The following PRKG1 variants were observed in gnomAD, a reference collection of about 807,000 sequenced individuals.
PRKG1 encodes the protein cGMP-dependent protein kinase 1.
PRKG1 carries 35 observed loss-of-function variants against 88.1 expected under a neutral mutation model. The ratio of observed to expected loss-of-function variants is 0.40; its 90% CI spans 0.30 to 0.53. The LOEUF (loss-of-function observed/expected upper bound fraction) is 0.53, where lower values mean the gene tolerates loss of function less well. PRKG1 is among the 20% of genes least tolerant of loss of function. PRKG1 has a pLI of 0.59. For missense variants in PRKG1, 540 were observed against 839.8 expected, an observed-to-expected ratio of 0.64 and a Z score of 4.41; for synonymous variants, 303 against 292.5, an observed-to-expected ratio of 1.04 and a Z score of -0.37.
chr10:51,878,442 G>T (rs1295245058), intron 4 of PRKG1, among the ~76,000 whole-genome samples: 1 of 152,076 alleles, frequency 6.6e-6, no homozygotes, highest in Non-Finnish European at 1.5e-5. Context: ...CTAGAAAGTG[G>T]ATGTAAAAAT....
At chr10:52,089,966 C>T (rs1235267003) in intron 7 of PRKG1, among the ~76,000 whole-genome samples, 1 of 151,868 alleles carries the variant, frequency 6.6e-6, no homozygotes, top group Non-Finnish European at 1.5e-5. Flanking sequence ...AGGCATGTGC[C>T]ACCATGCCTA....
At chr10:51,315,842 A>C (rs1841304239) in intron 2 of PRKG1, among the ~76,000 whole-genome samples, 1 of 152,204 alleles carries the variant, frequency 6.6e-6, no homozygotes, top group Non-Finnish European at 1.5e-5. Flanking sequence ...AAGTGATAAA[A>C]TTATGTGTAG....
intron 3 of PRKG1, among the ~76,000 whole-genome samples, chr10:51,615,473 T>G (rs1288810286): frequency 6.6e-6 from 1 of 152,150 alleles, no homozygotes; most frequent in Non-Finnish European, 1.5e-5. Context: ...ATAACTCAAA[T>G]ATTTTGTCAC....
chr10:51,079,679 T>TTG (rs56746938), intron 1 of PRKG1, among the ~76,000 whole-genome samples: 4,460 of 149,796 alleles, frequency 0.03, 174 homozygotes, highest in African/African-American at 0.092. Context: ...TAAGGCTCAT[T>TTG]TGTGTGTGTG....
Position 52,055,525 on chromosome 10 carries a change from A to G in PRKG1, c.840+964A>G, listed in dbSNP as rs139164832. ...AAAACTAAGAAATTGAGTGAATTGG[A>G]AAATAGAATTTCTTTTAGATTAATG... On this transcript the variant is annotated intron_variant, in intron 6 of 17. Transcript: ENST00000373980. Among the ~76,000 whole-genome samples the G allele has an allele frequency of 2.6e-3, 389 of 152,326 alleles. 2 individuals are homozygous for G. Among genetic ancestry groups the G allele is most frequent in the African/African-American group, 8.9e-3 (370 of 41,586 alleles).
intron 5 of PRKG1, among the ~76,000 whole-genome samples, chr10:52,020,595 G>A (rs1845158186): frequency 6.6e-6 from 1 of 152,206 alleles, no homozygotes; most frequent in African/African-American, 2.4e-5. Context: ...AAGGTCAAGA[G>A]TGGTGTTTAA....
chr10:51,633,962 C>T (rs1839591794), intron 3 of PRKG1, among the ~76,000 whole-genome samples: 1 of 152,052 alleles, frequency 6.6e-6, no homozygotes, highest in South Asian at 2.1e-4. Flanking sequence ...TCTGGAACCC[C>T]CTCTTTTGAG....
intron 8 of PRKG1, among the ~76,000 whole-genome samples, chr10:52,140,986 C>T (rs1837565760): frequency 6.6e-6 from 1 of 152,088 alleles, no homozygotes; most frequent in South Asian, 2.1e-4. Context: ...TTCCTACAGC[C>T]TAAGTGGATT....
chr10:51,167,459 C>T (rs536590314), intron 2 of PRKG1, among the ~76,000 whole-genome samples: 4 of 152,136 alleles, frequency 2.6e-5, no homozygotes, highest in East Asian at 3.9e-4. Flanking sequence ...TAAGAGATTT[C>T]GAGAGCATTA....
intron 2 of PRKG1, among the ~76,000 whole-genome samples, chr10:51,209,710 G>A (rs998389698): frequency 3.3e-5 from 5 of 152,062 alleles, no homozygotes; most frequent in Non-Finnish European, 5.9e-5. Context: ...CATTAATAAG[G>A]CATGAAAGCA....
chr10:51,552,241 A>G (rs1440150085), intron 3 of PRKG1, among the ~76,000 whole-genome samples: 1 of 151,666 alleles, frequency 6.6e-6, no homozygotes, highest in Non-Finnish European at 1.5e-5. Flanking sequence ...TGTTTTCTTA[A>G]ATTTCCCTCA....
intron 2 of PRKG1, among the ~76,000 whole-genome samples, chr10:51,385,358 CTAAA>C (rs1837223051): frequency 6.6e-6 from 1 of 152,144 alleles, no homozygotes; most frequent in Non-Finnish European, 1.5e-5. Context: ...CCTGAGATCT[CTAAA>C]TAATGGTTGA....
Position 52,282,430 on chromosome 10 carries a change from A to T in PRKG1, c.1709+114A>T, listed in dbSNP as rs1479915494. The T allele has an allele frequency of 3.7e-6, 4 of 1,074,654 alleles. No homozygotes were observed. The African/African-American group carries it at 4.8e-5, about 13-fold the overall frequency. 66.6% of individuals were successfully genotyped at this position (1,074,654 alleles called of 1,614,324 possible). On this transcript the variant is annotated intron_variant, in intron 14 of 17. Transcript: ENST00000373980. The stretch of plus-strand genomic sequence containing the variant: ...AAAGTACTTTTCACCATATCTTGGT[A>T]CCACAGTTTAATTAGTTATACAGAT...
intron 3 of PRKG1, among the ~76,000 whole-genome samples, chr10:51,494,008 A>C (rs138399184): frequency 6.6e-6 from 1 of 152,234 alleles, no homozygotes; most frequent in Non-Finnish European, 1.5e-5. Context: ...TATTTTTTCT[A>C]CTTAAAATTG....
intron 9 of PRKG1, among the ~76,000 whole-genome samples, chr10:52,228,134 A>C (rs893601148): frequency 6.6e-6 from 1 of 152,148 alleles, no homozygotes; most frequent in Non-Finnish European, 1.5e-5. Flanking sequence ...AAGTCAGAAC[A>C]CTGGTGATGT....
At chr10:51,352,491 T>C (rs1203859285) in intron 2 of PRKG1, among the ~76,000 whole-genome samples, 3 of 152,082 alleles carry the variant, frequency 2.0e-5, no homozygotes, top group Non-Finnish European at 4.4e-5. Flanking sequence ...TTCTCAGTTA[T>C]AATAGCCACA....
intron 3 of PRKG1, among the ~76,000 whole-genome samples, chr10:51,784,939 G>A (rs754620288): frequency 5.3e-5 from 8 of 152,000 alleles, no homozygotes; most frequent in African/African-American, 9.7e-5. Flanking sequence ...TGAGCAATTA[G>A]TGTAAAGACT....
chr10:52,257,851 T>G lies in PRKG1; in HGVS notation c.1173+6185T>G, dbSNP rs868451980. On this transcript the variant is annotated intron_variant, in intron 10 of 17. Transcript: ENST00000373980. ...GAAAATCCCATCTAATAAACACTAA[T>G]TGAGCATCAGTAGGTGTAGTAACAA... Among the ~76,000 whole-genome samples, 3 of 139,434 alleles carry G rather than the reference T, an allele frequency of 2.2e-5. 1 individual carries two copies. Among genetic ancestry groups the G allele is most frequent in the African/African-American group, 7.4e-5 (3 of 40,286 alleles). 91.5% of individuals were successfully genotyped at this position (139,434 alleles called of 152,430 possible). A position where few individuals can be genotyped will look rare whatever the true frequency, so the allele number is the denominator to read the frequency against.
chr10:51,793,145 A>T (rs1838914898), intron 3 of PRKG1, among the ~76,000 whole-genome samples: 1 of 150,668 alleles, frequency 6.6e-6, no homozygotes, highest in Admixed American at 6.6e-5. Flanking sequence ...CTGCAAAAAA[A>T]AAAAAAAAAA....
Sources: allele counts gnomAD v4.1 joint callset (sites outside exome capture counted in the v4.1 genomes callset), GRCh38; gene constraint gnomAD v4.1.1; transcripts MANE v1.5; gene names NCBI Gene and HGNC (gene_info 2026-07-23, HGNC 2026-07-21).